Variants in SLC12A8 observed in about 807,000 individuals in gnomAD.
SLC12A8 encodes the protein solute carrier family 12 member 8.
Under a neutral mutation model 75.6 loss-of-function variants are expected in SLC12A8, and 69 were observed. The ratio of observed to expected loss-of-function variants is 0.91; its 90% CI spans 0.75 to 1.11. The LOEUF (loss-of-function observed/expected upper bound fraction) is 1.11. Among genes scored for constraint, SLC12A8 ranks in the 50% most tolerant of loss-of-function variants. The pLI is 0.00. For synonymous variants in SLC12A8, 365 were observed against 372.8 expected (o/e 0.98, Z 0.24); for missense variants, 877 against 896.7 (o/e 0.98, Z 0.28).
chr3:125,200,404 G>A (rs1560084840), intron 2 of SLC12A8, among the ~76,000 whole-genome samples: 2 of 152,132 alleles, frequency 1.3e-5, no homozygotes, highest in Non-Finnish European at 2.9e-5. Flanking sequence ...AGCCATGATC[G>A]TGCCACTGTA....
chr3:125,128,737 G>C (rs1421153844), intron 6 of SLC12A8, among the ~76,000 whole-genome samples: 10 of 152,238 alleles, frequency 6.6e-5, no homozygotes, highest in Non-Finnish European at 1.5e-5. Context: ...CCCTACTTGG[G>C]GCTCTCTAGT....
Position 125,211,291 on chromosome 3 carries a change from G to T in SLC12A8, c.51+8C>A, listed in dbSNP as rs142571820. Reference sequence around the variant, plus strand: ...TCCATCACAGACCCTGGCACATCCTGAGCCTACCTGCTGGGCTGCCTCATG... The same window carrying T: ...TCCATCACAGACCCTGGCACATCCTTAGCCTACCTGCTGGGCTGCCTCATG... On this transcript the variant is annotated splice_region_variant and intron_variant, in intron 2 of 13. Coordinates refer to ENST00000469902, the MANE Select transcript of SLC12A8 (RefSeq NM_024628.6). The T allele has an allele frequency of 4.1e-5, 66 of 1,613,028 alleles. 1 individual carries two copies. The Admixed American group carries it at 8.5e-4, about 21-fold the overall frequency.
chr3:125,136,173 G>A (rs756725773), intron 5 of SLC12A8, among the ~76,000 whole-genome samples: 21 of 151,986 alleles, frequency 1.4e-4, no homozygotes, highest in Non-Finnish European at 1.9e-4. Context: ...AACCTTCCAC[G>A]GGTCCCTAAT....
chr3:125,191,508 G>A (rs1266444992), intron 2 of SLC12A8, among the ~76,000 whole-genome samples: 1 of 152,144 alleles, frequency 6.6e-6, no homozygotes, highest in Non-Finnish European at 1.5e-5. Context: ...GGGAGAGAGA[G>A]GCATCCAAAG....
At chr3:125,150,589 A>G (rs1029161860) in intron 5 of SLC12A8, among the ~76,000 whole-genome samples, 1 of 152,182 alleles carries the variant, frequency 6.6e-6, no homozygotes, top group Non-Finnish European at 1.5e-5. Context: ...TAATTCCGAT[A>G]CAGGAAATCT....
chr3:125,176,322 C>T (rs1344822432), intron 5 of SLC12A8, among the ~76,000 whole-genome samples: 3 of 152,140 alleles, frequency 2.0e-5, no homozygotes, highest in African/African-American at 4.8e-5. Flanking sequence ...CCACCTGTCT[C>T]GGCCTCCCAA....
rs771419035 is a variant in SLC12A8, at chr3:125,088,358, T to C, written c.1934A>G (p.Asn645Ser). The C allele has an allele frequency of 2.0e-5, 33 of 1,614,134 alleles. No individual in the cohort carries two copies. Among genetic ancestry groups the C allele is most frequent in the Non-Finnish European group, 2.7e-5 (32 of 1,180,028 alleles). The change falls in exon 13 of 14, where the codon AAC becomes AGC. Residue 645 changes from asparagine (N) to serine (S), a missense_variant. Physicochemically the swap from Asn to Ser is conservative, Grantham distance 46. Transcript: ENST00000469902. ...SPGLHLGSAS[N>S]FSFFRWMRSL... is the part of the protein sequence containing the mutation. ...CCTCATCCACCGGAAAAAGCTGAAGTTGGAGGCTGATCCTGCAGGGAAGAC... is the reference window on the plus strand; with the variant it reads ...CCTCATCCACCGGAAAAAGCTGAAGCTGGAGGCTGATCCTGCAGGGAAGAC...
intron 5 of SLC12A8, among the ~76,000 whole-genome samples, chr3:125,158,472 C>T (rs1022662981): frequency 6.6e-6 from 1 of 152,216 alleles, no homozygotes; most frequent in Non-Finnish European, 1.5e-5. Flanking sequence ...CTGCCCACCT[C>T]GGCCTCCCAA....
intron 2 of SLC12A8, among the ~76,000 whole-genome samples, chr3:125,198,271 A>AC (rs1935043565): frequency 8.8e-6 from 1 of 114,028 alleles, no homozygotes; most frequent in Non-Finnish European, 2.2e-5. Flanking sequence ...AAAAAAAAAC[A>AC]AAACAGTCAA....
intron 5 of SLC12A8, among the ~76,000 whole-genome samples, chr3:125,139,992 G>A (rs1197222174): frequency 6.6e-6 from 1 of 152,194 alleles, no homozygotes; most frequent in Non-Finnish European, 1.5e-5. Flanking sequence ...AGCTACATCT[G>A]CACGTGAGAT....
chr3:125,190,341 GT>G, intron 3 of SLC12A8, 33 bp downstream of exon 3: 6 of 1,611,318 alleles, frequency 3.7e-6, no homozygotes, highest in Non-Finnish European at 5.1e-6. Context: ...TCTTGGGCCC[GT>G]GAGAGGCTCC....
chr3:125,110,408 C>T, intron 8 of SLC12A8, 73 bp from the exon 9 acceptor site: 2 of 1,457,244 alleles, frequency 1.4e-6, no homozygotes, highest in African/African-American at 1.4e-5. Flanking sequence ...CAGCACCCAC[C>T]CACCTGCACC....
chr3:125,095,663 C>A (rs1171024683), intron 10 of SLC12A8, among the ~76,000 whole-genome samples: 6 of 152,182 alleles, frequency 3.9e-5, no homozygotes. Flanking sequence ...GCACTTTCCC[C>A]TTCCTCTGCC....
At chr3:125,094,313 C>T (rs770681819) in intron 10 of SLC12A8, among the ~76,000 whole-genome samples, 26 of 152,184 alleles carry the variant, frequency 1.7e-4, no homozygotes, top group Non-Finnish European at 2.9e-4. Flanking sequence ...TACCTACATA[C>T]ACATCTGCTC....
At chr3:125,105,383 G>A (rs1938997891) in intron 10 of SLC12A8, among the ~76,000 whole-genome samples, 1 of 152,122 alleles carries the variant, frequency 6.6e-6, no homozygotes, top group African/African-American at 2.4e-5. Flanking sequence ...AATCTAGAGT[G>A]GAACAGAAGG....
chr3:125,156,701 C>T (rs913139766), intron 5 of SLC12A8, among the ~76,000 whole-genome samples: 6 of 152,188 alleles, frequency 3.9e-5, no homozygotes, highest in Non-Finnish European at 7.3e-5. Flanking sequence ...TGCATCTGGT[C>T]TTCATCTCTA....
chr3:125,195,835 C>G (rs1935000378), intron 2 of SLC12A8, among the ~76,000 whole-genome samples: 2 of 152,168 alleles, frequency 1.3e-5, no homozygotes, highest in South Asian at 2.1e-4. Context: ...CCCACAGCAG[C>G]CATGTCAAGG....
At chr3:125,133,818 C>T (rs1044965334) in intron 6 of SLC12A8, among the ~76,000 whole-genome samples, 1 of 152,108 alleles carries the variant, frequency 6.6e-6, no homozygotes, top group Admixed American at 6.5e-5. Flanking sequence ...AGGGATCCTC[C>T]TGTCTTGGCC....
chr3:125,175,189 T>C (rs1471181350), intron 5 of SLC12A8, among the ~76,000 whole-genome samples: 1 of 152,248 alleles, frequency 6.6e-6, no homozygotes, highest in Non-Finnish European at 1.5e-5. Context: ...TTTAGCCACA[T>C]ATAATCTCAA....
Sources: gnomAD v4.1 joint callset for allele counts (sites outside exome capture counted in the v4.1 genomes callset) on GRCh38, gnomAD v4.1.1 for gene constraint, MANE v1.5 for transcripts, NCBI Gene and HGNC (gene_info 2026-07-23, HGNC 2026-07-21) for gene names.